The following ACAD10 variants were observed in gnomAD, a reference collection of about 807,000 sequenced individuals.
ACAD10 encodes the protein acyl-CoA dehydrogenase family member 10.
Under a neutral mutation model 116.8 loss-of-function variants are expected in ACAD10, and 112 were observed. That is an observed-to-expected ratio of 0.96 (90% CI 0.82 to 1.12). The LOEUF is 1.12. ACAD10 is among the 50% of genes most tolerant of loss of function. ACAD10 has a pLI of 0.00. For missense variants in ACAD10, 1,259 were observed against 1,350.2 expected (o/e 0.93, Z 1.06); for synonymous variants, 486 against 510.6 (o/e 0.95, Z 0.65).
chr12:111,750,972 A>G (rs1421290625), intron 18 of ACAD10, among the ~76,000 whole-genome samples: 6 of 152,184 alleles, frequency 3.9e-5, no homozygotes, highest in Middle Eastern at 3.2e-3. Flanking sequence ...GCTCCTGTCT[A>G]TGGACTCAGG....
At chr12:111,699,868 C>G (rs1205762725) in intron 2 of ACAD10, among the ~76,000 whole-genome samples, 1 of 152,106 alleles carries the variant, frequency 6.6e-6, no homozygotes, top group Non-Finnish European at 1.5e-5. Flanking sequence ...TGCAGTGGGC[C>G]ATGACTGTGC....
At chr12:111,740,005 C>T (rs1279273546) in intron 12 of ACAD10, among the ~76,000 whole-genome samples, 1 of 151,884 alleles carries the variant, frequency 6.6e-6, no homozygotes, top group Non-Finnish European at 1.5e-5. Flanking sequence ...TTGAAAGAAT[C>T]CTAGATGAGA....
At chr12:111,738,938 T>C (rs1566163696) in intron 12 of ACAD10, among the ~76,000 whole-genome samples, 1 of 139,584 alleles carries the variant, frequency 7.2e-6, no homozygotes. Context: ...CAAAGTCTCA[T>C]TGATGACCTC....
intron 18 of ACAD10, among the ~76,000 whole-genome samples, chr12:111,750,981 G>A (rs1433472100): frequency 6.6e-6 from 1 of 152,168 alleles, no homozygotes; most frequent in Non-Finnish European, 1.5e-5. Flanking sequence ...TATGGACTCA[G>A]GTATGGTGCT....
chr12:111,694,828 C>T (rs618358), intron 2 of ACAD10, among the ~76,000 whole-genome samples: 39,427 of 152,052 alleles, frequency 0.26, 6,771 homozygotes, highest in East Asian at 0.9. Context: ...GAGTTCAAGA[C>T]CAGCCTGGCC....
Position 111,702,146 on chromosome 12 carries a change from AT to A in ACAD10, c.188-12del. On this transcript the variant is annotated splice_polypyrimidine_tract_variant and intron_variant, in intron 2 of 20. Transcript: ENST00000313698. ...GTATCAATGTATTCCACTTTTGCATATTTTGCTTCCTATAGAATGGGAGGTA... is the reference window on the plus strand; with the variant it reads ...GTATCAATGTATTCCACTTTTGCATATTTGCTTCCTATAGAATGGGAGGTA... 1 of 1,607,770 alleles carries A rather than the reference AT, an allele frequency of 6.2e-7. No homozygotes were observed. Among genetic ancestry groups the A allele is most frequent in the Non-Finnish European group, 8.5e-7 (1 of 1,177,918 alleles).
intron 11 of ACAD10, among the ~76,000 whole-genome samples, chr12:111,735,930 A>T (rs1431916754): frequency 6.6e-6 from 1 of 151,892 alleles, no homozygotes; most frequent in Non-Finnish European, 1.5e-5. Context: ...CCCAGGCTGG[A>T]CCACAGTGGC....
At chr12:111,702,967 C>T (rs1888392835) in intron 3 of ACAD10, among the ~76,000 whole-genome samples, 1 of 151,668 alleles carries the variant, frequency 6.6e-6, no homozygotes, top group Non-Finnish European at 1.5e-5. Context: ...TGGTGGTGCA[C>T]ACCTGTGGTC....
rs777056610 is a variant in ACAD10 at position 111,692,906 on chromosome 12, T to C, written c.187+10T>C. 9 of 1,613,026 alleles carry C rather than the reference T, an allele frequency of 5.6e-6. No individual in the cohort carries two copies. The highest frequency in any genetic ancestry group is 7.6e-6 in the Non-Finnish European group (9 of 1,179,390). Reference sequence around the variant, plus strand: ...GGGAGAGTCGCTGCAGGTGAGCTATTGATTCTGTTTCACTTTGTGGGACTA... The same window carrying C: ...GGGAGAGTCGCTGCAGGTGAGCTATCGATTCTGTTTCACTTTGTGGGACTA... On this transcript the variant is annotated intron_variant, in intron 2 of 20. Coordinates refer to ENST00000313698, the MANE Select transcript of ACAD10 (RefSeq NM_025247.6).
intron 5 of ACAD10, among the ~76,000 whole-genome samples, 194 bp from the exon 6 acceptor site, chr12:111,712,304 C>T (rs913169301): frequency 6.6e-6 from 1 of 152,074 alleles, no homozygotes; most frequent in Non-Finnish European, 1.5e-5. Context: ...CAGACACCTC[C>T]TAGGAAACAG....
At chr12:111,740,390 G>A (rs1889699992) in intron 12 of ACAD10, among the ~76,000 whole-genome samples, 1 of 151,434 alleles carries the variant, frequency 6.6e-6, no homozygotes, top group South Asian at 2.1e-4. Flanking sequence ...GAACCCGGGA[G>A]GCAGAGGTTG....
chr12:111,717,248 C>T (rs772102655), intron 7 of ACAD10, among the ~76,000 whole-genome samples: 15 of 150,164 alleles, frequency 1.0e-4, no homozygotes, highest in Non-Finnish European at 1.6e-4. Flanking sequence ...GTCCCAGTTA[C>T]ATGGGAGGCT....
chr12:111,720,066 A>G (rs1888973364), intron 7 of ACAD10, among the ~76,000 whole-genome samples: 2 of 152,010 alleles, frequency 1.3e-5, no homozygotes, highest in South Asian at 4.1e-4. Context: ...GTTTCGCCGT[A>G]TTGGCCAGGC....
intron 2 of ACAD10, among the ~76,000 whole-genome samples, chr12:111,698,095 A>G (rs879321987): frequency 6.6e-6 from 1 of 151,036 alleles, no homozygotes; most frequent in Non-Finnish European, 1.5e-5. Context: ...CCCTGGTTCA[A>G]GCTATTCTCC....
intron 9 of ACAD10, among the ~76,000 whole-genome samples, chr12:111,728,422 C>T (rs1889287584): frequency 6.6e-6 from 1 of 151,500 alleles, no homozygotes; most frequent in Admixed American, 6.6e-5. Flanking sequence ...CTATCCAATT[C>T]CCTGCAACTT....
At chr12:111,716,701 G>A (rs181830590) in intron 7 of ACAD10, among the ~76,000 whole-genome samples, 183 of 151,576 alleles carry the variant, frequency 1.2e-3, no homozygotes, top group African/African-American at 4.1e-3. Context: ...CCAAAAATAC[G>A]AAAAATTAGT....
chr12:111,749,406 G>A (rs1361021865), intron 18 of ACAD10, 61 bp downstream of exon 18: 24 of 1,557,938 alleles, frequency 1.5e-5, no homozygotes, highest in South Asian at 2.3e-5. Flanking sequence ...CTTTGCTGTC[G>A]GACTTCAATT....
intron 2 of ACAD10, among the ~76,000 whole-genome samples, chr12:111,693,319 G>A (rs1482882110): frequency 1.3e-5 from 2 of 152,084 alleles, no homozygotes; most frequent in Non-Finnish European, 2.9e-5. Flanking sequence ...TGAGAGGGTC[G>A]TTTGAGCCCA....
chr12:111,697,080 C>CAA (rs5800932), intron 2 of ACAD10, among the ~76,000 whole-genome samples: 34,350 of 123,432 alleles, frequency 0.28, 5,618 homozygotes, highest in East Asian at 0.9. Flanking sequence ...GACTCCGTCT[C>CAA]AAAAAAAAAA....
Sources: gnomAD v4.1 joint callset for allele counts (sites outside exome capture counted in the v4.1 genomes callset) on GRCh38, gnomAD v4.1.1 for gene constraint, MANE v1.5 for transcripts, NCBI Gene and HGNC (gene_info 2026-07-23, HGNC 2026-07-21) for gene names.